Variants in SYT14 observed in about 807,000 individuals in gnomAD.
SYT14 encodes synaptotagmin-14.
A neutral mutation model predicts 74.2 loss-of-function variants in SYT14; 32 were observed. The observed-to-expected ratio is 0.43, with a 90% confidence interval of 0.33 to 0.58. The LOEUF (loss-of-function observed/expected upper bound fraction) is 0.58, where lower values mean the gene tolerates loss of function less well. Among genes scored for constraint, SYT14 ranks in the 20% least tolerant of loss-of-function variants. The probability of loss-of-function intolerance (pLI) is 0.05; values close to 1 mark genes in which losing one functional copy is unlikely to be tolerated. For synonymous variants in SYT14, 298 were observed against 337.7 expected (o/e 0.88, Z 1.29); for missense variants, 791 against 981.8 (o/e 0.81, Z 2.60).
intron 7 of SYT14, among the ~76,000 whole-genome samples, chr1:210,154,116 G>C (rs1191413060): frequency 6.6e-6 from 1 of 152,064 alleles, no homozygotes; most frequent in Non-Finnish European, 1.5e-5. Flanking sequence ...TCTTATTTTT[G>C]TTTTGTATGT....
intron 2 of SYT14, among the ~76,000 whole-genome samples, chr1:210,011,623 T>G (rs1307528836): frequency 2.6e-5 from 4 of 152,204 alleles, no homozygotes; most frequent in Non-Finnish European, 5.9e-5. Context: ...GTATACCTAG[T>G]TTTTATAAAT....
At chr1:210,094,891 C>A (rs994950570) in intron 6 of SYT14, among the ~76,000 whole-genome samples, 5 of 151,556 alleles carry the variant, frequency 3.3e-5, no homozygotes, top group Non-Finnish European at 7.4e-5. Flanking sequence ...CTGTTTATTT[C>A]ATCTTGAGGT....
chr1:210,163,624 G>A (rs769137012), exon 10 of SYT14: 1 of 453,458 alleles, frequency 2.2e-6, no homozygotes. Context: ...TTTGGTTTGG[G>A]TTGCTTTCTG....
At chr1:209,977,565 C>T (rs560088696) in intron 2 of SYT14, among the ~76,000 whole-genome samples, 171 of 152,206 alleles carry the variant, frequency 1.1e-3, no homozygotes, top group Non-Finnish European at 1.6e-3. Context: ...GAGTTTCTGC[C>T]GAGAGATCAG....
intron 2 of SYT14, among the ~76,000 whole-genome samples, chr1:209,997,036 C>T (rs2079810387): frequency 6.6e-6 from 1 of 152,034 alleles, no homozygotes; most frequent in Non-Finnish European, 1.5e-5. Context: ...TAGAACCTTT[C>T]TCCTTGAGAA....
Position 209,984,162 on chromosome 1 carries a change from C to T in SYT14, c.-485-29471C>T, listed in dbSNP as rs189397457. ...GGGAAATGCCAGAATGATCAAAATG[C>T]ACAACCGCCAATTTTTGGAAGTCAG... On this transcript the variant is annotated intron_variant, in intron 2 of 9. Coordinates refer to ENST00000637265, the Ensembl canonical transcript of SYT14. 3.4e-4 allele frequency among the ~76,000 whole-genome samples: 52 copies of T among 152,312 alleles called. 1 individual carries two copies. The highest frequency in any genetic ancestry group is 3.0e-3 in the Admixed American group (46 of 15,292).
chr1:210,113,777 T>C lies in SYT14; in HGVS notation c.2034+13316T>C, dbSNP rs1361203816. ...AGGGAAGCAGATAATTTAGTTGAAATGTCTCCACCTAATAAGGGAGCTGGG... is the reference window on the plus strand; with the variant it reads ...AGGGAAGCAGATAATTTAGTTGAAACGTCTCCACCTAATAAGGGAGCTGGG... On this transcript the variant is annotated intron_variant, in intron 7 of 9. Transcript: ENST00000637265. Among the ~76,000 whole-genome samples the C allele has an allele frequency of 5.3e-5, 8 of 151,036 alleles. 1 individual carries two copies. The highest frequency in any genetic ancestry group is 2.1e-4 in the South Asian group (1 of 4,814).
At chr1:210,147,386 C>T (rs2083062942) in intron 7 of SYT14, among the ~76,000 whole-genome samples, 1 of 152,058 alleles carries the variant, frequency 6.6e-6, no homozygotes, top group Admixed American at 6.6e-5. Flanking sequence ...CATAGATCAT[C>T]AGATTGAGAA....
intron 5 of SYT14, among the ~76,000 whole-genome samples, chr1:210,091,688 T>G (rs936858558): frequency 2.6e-5 from 4 of 152,204 alleles, no homozygotes; most frequent in Non-Finnish European, 4.4e-5. Flanking sequence ...ACCAACATTC[T>G]TTCTCTTTCA....
chr1:210,089,656 G>A (rs867915536), intron 5 of SYT14, among the ~76,000 whole-genome samples: 12 of 151,932 alleles, frequency 7.9e-5, no homozygotes, highest in East Asian at 3.9e-4. Flanking sequence ...AGTTATTTTC[G>A]TTTAGATTTC....
intron 1 of SYT14, among the ~76,000 whole-genome samples, chr1:209,940,604 A>G (rs1402158543): frequency 6.6e-6 from 1 of 152,134 alleles, no homozygotes; most frequent in Non-Finnish European, 1.5e-5. Flanking sequence ...AGTAATTCTT[A>G]TATTCATAAG....
chr1:210,152,733 AC>A (rs1369226639), intron 7 of SYT14, among the ~76,000 whole-genome samples: 1 of 151,780 alleles, frequency 6.6e-6, no homozygotes, highest in Non-Finnish European at 1.5e-5. Context: ...CTTCTCTCCC[AC>A]CTCCAGAGTT....
At chr1:210,002,367 C>T (rs2079916920) in intron 2 of SYT14, among the ~76,000 whole-genome samples, 1 of 151,868 alleles carries the variant, frequency 6.6e-6, no homozygotes, top group Non-Finnish European at 1.5e-5. Context: ...ATTAGTTTTG[C>T]CTGTTTTGAA....
At chr1:210,068,109 T>G (rs963806158) in intron 5 of SYT14, among the ~76,000 whole-genome samples, 4 of 151,922 alleles carry the variant, frequency 2.6e-5, no homozygotes, top group Admixed American at 2.6e-4. Flanking sequence ...TTAAGGAAAT[T>G]CCCTTTTGTT....
chr1:210,054,705 G>C (rs1001940400), intron 5 of SYT14, among the ~76,000 whole-genome samples: 13 of 152,086 alleles, frequency 8.5e-5, no homozygotes, highest in African/African-American at 3.1e-4. Context: ...GTTTATAACT[G>C]TTGTCTCTTA....
At chr1:210,140,364 T>C (rs1181735504) in intron 7 of SYT14, among the ~76,000 whole-genome samples, 1 of 152,198 alleles carries the variant, frequency 6.6e-6, no homozygotes, top group Non-Finnish European at 1.5e-5. Flanking sequence ...TTTGCCTTTG[T>C]CTCTTTATTT....
At chr1:210,131,653 A>G (rs923911889) in intron 7 of SYT14, among the ~76,000 whole-genome samples, 1 of 152,096 alleles carries the variant, frequency 6.6e-6, no homozygotes, top group African/African-American at 2.4e-5. Flanking sequence ...TTAATTCAGC[A>G]CCACAGGATT....
At chr1:210,116,648 G>A (rs2102597570) in intron 7 of SYT14, among the ~76,000 whole-genome samples, 1 of 152,250 alleles carries the variant, frequency 6.6e-6, no homozygotes, top group African/African-American at 2.4e-5. Context: ...TGCCCATCCT[G>A]AACTCATTGT....
chr1:210,021,762 A>G (rs914424734), intron 5 of SYT14, among the ~76,000 whole-genome samples: 4 of 152,184 alleles, frequency 2.6e-5, no homozygotes, highest in Non-Finnish European at 5.9e-5. Context: ...AGATGAATTT[A>G]TTGAGAGCTA....
Sources: gnomAD v4.1 joint callset for allele counts (sites outside exome capture counted in the v4.1 genomes callset) on GRCh38, gnomAD v4.1.1 for gene constraint, MANE v1.5 for transcripts, NCBI Gene and HGNC (gene_info 2026-07-23, HGNC 2026-07-21) for gene names.